The following TMEM266 variants were observed in gnomAD, a reference collection of about 807,000 sequenced individuals.
The protein encoded by TMEM266 is Hv1 related protein 1.
A neutral mutation model predicts 50.5 loss-of-function variants in TMEM266; 33 were observed. The observed-to-expected ratio is 0.65, with a 90% CI of 0.50 to 0.87. The LOEUF (loss-of-function observed/expected upper bound fraction) is 0.87. Ranked by LOEUF, TMEM266 falls within the 40% of genes least tolerant of loss-of-function variation. TMEM266 has a pLI of 0.00. For synonymous variants in TMEM266, 310 were observed against 292.3 expected (o/e 1.06, Z -0.62); for missense variants, 655 against 695.1 (o/e 0.94, Z 0.65).
intron 1 of TMEM266, among the ~76,000 whole-genome samples, chr15:76,108,464 T>A (rs2037119675): frequency 1.3e-5 from 2 of 152,232 alleles, no homozygotes; most frequent in South Asian, 4.1e-4. Flanking sequence ...CTCCTGGGGA[T>A]CCTGTTAAGC....
Position 76,093,503 on chromosome 15 carries a change from G to A in TMEM266, c.-97+33487G>A, listed in dbSNP as rs558549639. Among the ~76,000 whole-genome samples, 438 of 151,988 alleles carry A rather than the reference G, an allele frequency of 2.9e-3. 2 individuals carry two copies. Among genetic ancestry groups the A allele is most frequent in the Non-Finnish European group, 4.3e-3 (290 of 67,924 alleles). On this transcript the variant is annotated intron_variant, in intron 1 of 10. Coordinates refer to ENST00000388942, the MANE Select transcript of TMEM266 (RefSeq NM_152335.3). ...TTATGGCTGCATAGTATTCCATGGT[G>A]TATATGTTATTGATGGACATTTGGG... is the stretch of plus-strand genomic sequence containing the variant.
At chr15:76,171,282 C>T in intron 7 of TMEM266, 151 bp downstream of exon 7, 14 of 1,135,374 alleles carry the variant, frequency 1.2e-5, no homozygotes, top group Non-Finnish European at 1.7e-5. Context: ...GCTGTCCCTG[C>T]TCACTCGCCA....
intron 1 of TMEM266, among the ~76,000 whole-genome samples, chr15:76,125,641 A>G (rs2037409267): frequency 6.6e-6 from 1 of 152,086 alleles, no homozygotes; most frequent in African/African-American, 2.4e-5. Context: ...TGAGGTCAGG[A>G]GTTCAAGACG....
chr15:76,073,850 C>G (rs1251242638), intron 1 of TMEM266, among the ~76,000 whole-genome samples: 1 of 152,206 alleles, frequency 6.6e-6, no homozygotes, highest in African/African-American at 2.4e-5. Flanking sequence ...ATCTGCATTT[C>G]CACCTGAGTC....
At chr15:76,151,217 T>C (rs1303770424) in intron 3 of TMEM266, among the ~76,000 whole-genome samples, 2 of 152,198 alleles carry the variant, frequency 1.3e-5, no homozygotes, top group Non-Finnish European at 2.9e-5. Flanking sequence ...GGAAAGCACC[T>C]TCTCTAATTA....
At chr15:76,132,813 A>AATT (rs58869632) in intron 1 of TMEM266, among the ~76,000 whole-genome samples, 24,735 of 134,750 alleles carry the variant, frequency 0.18, 2,628 homozygotes, top group East Asian at 0.4. Context: ...TAATAATAGT[A>AATT]ATTATTATTA....
chr15:76,072,034 G>A (rs1042122368), intron 1 of TMEM266, among the ~76,000 whole-genome samples: 3 of 152,114 alleles, frequency 2.0e-5, no homozygotes, highest in Admixed American at 6.5e-5. Context: ...CAGCAGGGCC[G>A]GTTTGAAGAC....
chr15:76,129,950 A>G (rs1310963342), intron 1 of TMEM266, among the ~76,000 whole-genome samples: 1 of 152,082 alleles, frequency 6.6e-6, no homozygotes, highest in African/African-American at 2.4e-5. Context: ...CTGGCCAGGC[A>G]TGGTGGCTCA....
chr15:76,150,708 C>T (rs1472821185), intron 3 of TMEM266, among the ~76,000 whole-genome samples: 1 of 152,156 alleles, frequency 6.6e-6, no homozygotes, highest in African/African-American at 2.4e-5. Context: ...ATCCTGGCGC[C>T]ACACGGCTCT....
intron 3 of TMEM266, among the ~76,000 whole-genome samples, chr15:76,154,384 G>A (rs889538278): frequency 1.3e-5 from 2 of 152,090 alleles, no homozygotes; most frequent in South Asian, 2.1e-4. Flanking sequence ...CCTGTGTGCC[G>A]GCATGAAAGC....
At chr15:76,093,150 A>G (rs1053934976) in intron 1 of TMEM266, among the ~76,000 whole-genome samples, 12 of 150,736 alleles carry the variant, frequency 8.0e-5, no homozygotes, top group Non-Finnish European at 1.5e-5. Context: ...TTTTTTTATT[A>G]TTATACTTTA....
chr15:76,174,288 T>C (rs760427605), intron 7 of TMEM266, among the ~76,000 whole-genome samples: 1 of 152,146 alleles, frequency 6.6e-6, no homozygotes, highest in African/African-American at 2.4e-5. Context: ...TGGTAGCTCA[T>C]GCCTGTAATT....
intron 1 of TMEM266, among the ~76,000 whole-genome samples, chr15:76,132,805 A>G (rs1313111466): frequency 3.1e-5 from 4 of 129,638 alleles, no homozygotes; most frequent in African/African-American, 1.1e-4. Flanking sequence ...TCAAATAATA[A>G]TAATAGTAAT....
intron 1 of TMEM266, chr15:76,112,156 G>C (rs1265546888): frequency 6.6e-6 from 1 of 152,240 alleles, no homozygotes; most frequent in Non-Finnish European, 1.5e-5. Context: ...GAATGAATAG[G>C]TGGAGCACAG....
At chr15:76,156,936 C>T (rs2037936477) in intron 4 of TMEM266, among the ~76,000 whole-genome samples, 178 bp downstream of exon 4, 1 of 152,172 alleles carries the variant, frequency 6.6e-6, no homozygotes. Flanking sequence ...CATCTGGCAG[C>T]TTCTCTCTCT....
intron 1 of TMEM266, among the ~76,000 whole-genome samples, chr15:76,125,211 G>A (rs2037402751): frequency 6.6e-6 from 1 of 152,158 alleles, no homozygotes; most frequent in Admixed American, 6.5e-5. Flanking sequence ...TATGGTGAAA[G>A]CTGCTTGACA....
intron 7 of TMEM266, among the ~76,000 whole-genome samples, chr15:76,173,328 T>C (rs927218900): frequency 4.6e-5 from 7 of 152,042 alleles, no homozygotes; most frequent in South Asian, 2.1e-4. Flanking sequence ...AAGAGAGGCA[T>C]GTGACCGAGG....
intron 8 of TMEM266, 110 bp from the exon 9 acceptor site, chr15:76,191,858 C>T (rs541490192): frequency 9.8e-6 from 10 of 1,023,610 alleles, no homozygotes; most frequent in South Asian, 7.2e-5. Context: ...GAGGCTCAGC[C>T]CAGTCCTCCC....
At chr15:76,120,212 A>C (rs533330601) in intron 1 of TMEM266, among the ~76,000 whole-genome samples, 5 of 147,942 alleles carry the variant, frequency 3.4e-5, no homozygotes, top group African/African-American at 1.2e-4. Context: ...CACGGTGGCC[A>C]AAAAAAAAAA....
Sources: gnomAD v4.1 joint callset for allele counts (sites outside exome capture counted in the v4.1 genomes callset) on GRCh38, gnomAD v4.1.1 for gene constraint, MANE v1.5 for transcripts, NCBI Gene and HGNC (gene_info 2026-07-23, HGNC 2026-07-21) for gene names.